The following SLCO4C1 variants were observed in gnomAD, a reference collection of about 807,000 sequenced individuals.
The protein encoded by SLCO4C1 is solute carrier organic anion transporter family member 4C1.
A neutral mutation model predicts 72.1 loss-of-function variants in SLCO4C1; 58 were observed. That is an observed-to-expected ratio of 0.80 (90% CI 0.65 to 1.00). The LOEUF is 1.00. SLCO4C1 is among the 50% of genes least tolerant of loss of function. SLCO4C1 has a pLI of 0.00. For synonymous variants in SLCO4C1, 297 were observed against 312.5 expected (o/e 0.95, Z 0.52); for missense variants, 898 against 857.9 (o/e 1.05, Z -0.58).
At chr5:102,262,964 T>A (rs79552732) in intron 4 of SLCO4C1, among the ~76,000 whole-genome samples, 3,261 of 152,098 alleles carry the variant, frequency 0.021, 57 homozygotes, top group Non-Finnish European at 0.036. Flanking sequence ...TTATTCCCAG[T>A]GGCAAAATGA....
intron 3 of SLCO4C1, among the ~76,000 whole-genome samples, chr5:102,268,510 C>A (rs962392902): frequency 6.6e-6 from 1 of 152,108 alleles, no homozygotes; most frequent in Non-Finnish European, 1.5e-5. Context: ...AAATGAGTTT[C>A]TTCTAGGCAG....
In SLCO4C1 at chr5:102,263,742, C is replaced by T; in HGVS notation, c.841G>A (p.Gly281Ser). Residue 281 changes from glycine (G) to serine (S), a missense_variant, in exon 4 of 13, where the codon GGC (glycine) becomes AGC (serine). By Grantham distance (56) the Gly-to-Ser change is moderately conservative. Coordinates refer to ENST00000310954, the MANE Select transcript of SLCO4C1 (RefSeq NM_180991.5). ...AGCAGTTGTCCTCCCAATACATAGCCAATAGCAGGGCCTAAGATTGACATA... is the reference window on the plus strand; with the variant it reads ...AGCAGTTGTCCTCCCAATACATAGCTAATAGCAGGGCCTAAGATTGACATA... ...YAMSILGPAI[G>S]YVLGGQLLTI... 6.2e-7 allele frequency: 1 copy of T among 1,612,758 alleles called. No individual in the cohort carries two copies. Among genetic ancestry groups the T allele is most frequent in the Non-Finnish European group, 8.5e-7 (1 of 1,179,162 alleles).
intron 10 of SLCO4C1, among the ~76,000 whole-genome samples, chr5:102,243,265 G>A (rs544033807): frequency 6.6e-6 from 1 of 152,294 alleles, no homozygotes; most frequent in Admixed American, 6.5e-5. Context: ...ACCAGTGCCT[G>A]TAGGACCTCC....
intron 2 of SLCO4C1, among the ~76,000 whole-genome samples, chr5:102,287,170 C>A (rs939467898): frequency 6.6e-6 from 1 of 152,072 alleles, no homozygotes; most frequent in African/African-American, 2.4e-5. Context: ...TTACAGGAAG[C>A]TTTCAACTAA....
At chr5:102,240,272 C>G (rs554783676) in intron 11 of SLCO4C1, among the ~76,000 whole-genome samples, 3 of 152,040 alleles carry the variant, frequency 2.0e-5, no homozygotes, top group African/African-American at 7.2e-5. Context: ...TGTCCTGTAC[C>G]TGGAACTTTA....
intron 7 of SLCO4C1, among the ~76,000 whole-genome samples, chr5:102,257,618 CT>C (rs34481556): frequency 0.36 from 51,621 of 143,008 alleles, 9,438 homozygotes; most frequent in African/African-American, 0.39. Flanking sequence ...GTTTAAGTGT[CT>C]TTTTTTTTTT....
At chr5:102,273,140 C>T (rs138848966) in intron 2 of SLCO4C1, among the ~76,000 whole-genome samples, 5,001 of 151,862 alleles carry the variant, frequency 0.033, 97 homozygotes, top group African/African-American at 0.053. Context: ...AGAGAATAGA[C>T]TTGAGAAATA....
At chr5:102,275,773 A>G (rs1375998392) in intron 2 of SLCO4C1, among the ~76,000 whole-genome samples, 1 of 152,200 alleles carries the variant, frequency 6.6e-6, no homozygotes, top group Admixed American at 6.5e-5. Flanking sequence ...TAACATGATA[A>G]AGAATATTAT....
At position 102,234,665 on chromosome 5, in the gene SLCO4C1, G is replaced by T. The variant is rs1439578825; in HGVS notation, c.*2193C>A. ...GGCCCTAGACTAATATATTTGTTCA[G>T]TTATTCTGTTTTCTTCCTTACTGCC... On this transcript the variant is annotated 3_prime_UTR_variant, in exon 13 of 13. Coordinates refer to ENST00000310954, the MANE Select transcript of SLCO4C1 (RefSeq NM_180991.5). The T allele has an allele frequency of 1.3e-5, 2 of 152,048 alleles. No homozygotes were observed. The highest frequency in any genetic ancestry group is 4.8e-5 in the African/African-American group (2 of 41,386). The allele number at this position is 152,048 out of a possible 1,614,324, so 9.4% of individuals were successfully genotyped here.
At chr5:102,292,141 T>C (rs1319924646) in intron 1 of SLCO4C1, among the ~76,000 whole-genome samples, 1 of 152,188 alleles carries the variant, frequency 6.6e-6, no homozygotes, top group African/African-American at 2.4e-5. Context: ...GCTTTTTAAA[T>C]TGTACACTTG....
chr5:102,245,279 T>C (rs112638560), intron 10 of SLCO4C1, among the ~76,000 whole-genome samples: 1 of 152,062 alleles, frequency 6.6e-6, no homozygotes, highest in Admixed American at 6.6e-5. Flanking sequence ...ACAAGATCCA[T>C]TGACCTGTTG....
rs182498657 is a variant in SLCO4C1 at position 102,235,512 on chromosome 5, T to C, written c.*1346A>G. 1 of 152,336 alleles carries C rather than the reference T, an allele frequency of 6.6e-6. No homozygotes were observed. The highest frequency in any genetic ancestry group is 1.5e-5 in the Non-Finnish European group (1 of 68,030). 9.4% of individuals were successfully genotyped at this position (152,336 alleles called of 1,614,324 possible). A position where few individuals can be genotyped will look rare whatever the true frequency, so the allele number is the denominator to read the frequency against. Reference sequence around the variant, plus strand: ...CTGAATAAACAGGGTTATAACATTATCAGGCTTGTAAAATACTTTATCAAA... The same window carrying C: ...CTGAATAAACAGGGTTATAACATTACCAGGCTTGTAAAATACTTTATCAAA... On this transcript the variant is annotated 3_prime_UTR_variant, in exon 13 of 13. Coordinates refer to ENST00000310954, the MANE Select transcript of SLCO4C1 (RefSeq NM_180991.5).
chr5:102,268,246 T>C (rs75020355), intron 3 of SLCO4C1, among the ~76,000 whole-genome samples: 3,666 of 152,254 alleles, frequency 0.024, 100 homozygotes, highest in African/African-American at 0.071. Flanking sequence ...TAATATTTGA[T>C]TTATATATGT....
chr5:102,249,791 G>A lies in SLCO4C1; in HGVS notation c.1470-3C>T, dbSNP rs765816367. The A allele has an allele frequency of 1.2e-6, 2 of 1,610,200 alleles. No individual in the cohort carries two copies. Among genetic ancestry groups the A allele is most frequent in the Admixed American group, 1.7e-5 (1 of 58,742 alleles). ...TCAAGTTTCCCAATTCTCCAGTCCTGTAAATAAGAAATGAAAGAAGGGTAA... is the reference window on the plus strand; with the variant it reads ...TCAAGTTTCCCAATTCTCCAGTCCTATAAATAAGAAATGAAAGAAGGGTAA... On this transcript the variant is annotated splice_region_variant and splice_polypyrimidine_tract_variant and intron_variant, in intron 8 of 12. Coordinates refer to ENST00000310954, the MANE Select transcript of SLCO4C1 (RefSeq NM_180991.5).
intron 6 of SLCO4C1, among the ~76,000 whole-genome samples, chr5:102,258,873 A>T (rs1748887973): frequency 6.6e-6 from 1 of 151,898 alleles, no homozygotes; most frequent in Non-Finnish European, 1.5e-5. Flanking sequence ...ATAATTTAAA[A>T]TAATTAATAA....
At position 102,247,251 on chromosome 5, in the gene SLCO4C1, C is replaced by G. The variant is rs768539783; in HGVS notation, c.1811+1G>C. The G allele has an allele frequency of 1.3e-6, 2 of 1,522,918 alleles. No homozygotes were observed. Among genetic ancestry groups the G allele is most frequent in the African/African-American group, 2.8e-5 (2 of 72,428 alleles). The allele number at this position is 1,522,918 out of a possible 1,614,324, so 94.3% of individuals were successfully genotyped here. A position where few individuals can be genotyped will look rare whatever the true frequency, so the allele number is the denominator to read the frequency against. ...TGAAAATTTCTCAACGTGCTACATA[C>G]CTTAGGATAGACACAGTTATAGGAG... On this transcript the variant is annotated splice_donor_variant, in intron 10 of 12. Coordinates refer to ENST00000310954, the MANE Select transcript of SLCO4C1 (RefSeq NM_180991.5). LOFTEE classifies it high-confidence loss of function.
At chr5:102,295,623 T>A (rs763462999) in intron 1 of SLCO4C1, among the ~76,000 whole-genome samples, 1 of 152,256 alleles carries the variant, frequency 6.6e-6, no homozygotes, top group African/African-American at 2.4e-5. Context: ...TAATCTTCCC[T>A]GTAAGTCTTG....
At chr5:102,288,630 T>C (rs1749498127) in intron 2 of SLCO4C1, among the ~76,000 whole-genome samples, 2 of 152,194 alleles carry the variant, frequency 1.3e-5, no homozygotes, top group South Asian at 4.1e-4. Flanking sequence ...GCCTCCCTAG[T>C]GTCTACCTGC....
chr5:102,291,700 T>C, intron 1 of SLCO4C1, 94 bp from the exon 2 acceptor site: 1 of 1,129,118 alleles, frequency 8.9e-7, no homozygotes, highest in Non-Finnish European at 1.2e-6. Context: ...ATTCATTTCT[T>C]TTTTTTCTTA....
Sources: allele counts gnomAD v4.1 joint callset (sites outside exome capture counted in the v4.1 genomes callset), GRCh38; gene constraint gnomAD v4.1.1; transcripts MANE v1.5; gene names NCBI Gene and HGNC (gene_info 2026-07-23, HGNC 2026-07-21).